The following MLLT1 variants were observed in gnomAD, a reference collection of about 807,000 sequenced individuals.
The protein encoded by MLLT1 is MLLT1 super elongation complex subunit, also known as protein ENL.
In MLLT1, 11 loss-of-function variants were observed where a neutral mutation model predicts 55.1. That is an observed-to-expected ratio of 0.20 (90% confidence interval 0.13 to 0.33). The LOEUF (loss-of-function observed/expected upper bound fraction) is 0.33, where lower values mean the gene tolerates loss of function less well. Among genes scored for constraint, MLLT1 ranks in the 10% least tolerant of loss-of-function variants. The pLI is 1.00. For synonymous variants in MLLT1, 323 were observed against 320.1 expected, an observed-to-expected ratio of 1.01 and a Z score of -0.10; for missense variants, 536 against 760.6, an observed-to-expected ratio of 0.70 and a Z score of 3.47.
At chr19:6,264,557 T>A (rs2091331070) in intron 2 of MLLT1, among the ~76,000 whole-genome samples, 1 of 151,324 alleles carries the variant, frequency 6.6e-6, no homozygotes, top group Admixed American at 6.6e-5. Context: ...AGAGTCAATG[T>A]CCTCAGATTC....
In MLLT1 at chr19:6,231,030, C is replaced by T. The variant is rs754089947; in HGVS notation, c.277-317G>A. Among the ~76,000 whole-genome samples, 12 of 152,224 alleles carry T rather than the reference C, an allele frequency of 7.9e-5. No homozygotes were observed. Among genetic ancestry groups the T allele is most frequent in the Non-Finnish European group, 1.5e-4 (10 of 68,048 alleles). On this transcript the variant is annotated intron_variant, in intron 3 of 11. Transcript: ENST00000252674. This position sits in a 1 kb window ranked among gnomAD's most constrained non-coding sequence, Gnocchi z 5.1. Reference sequence around the variant, plus strand: ...CGCCACTGACAGACAGGGAAACCGACGCACAGACACCAACTAACACGTGGC... The same window carrying T: ...CGCCACTGACAGACAGGGAAACCGATGCACAGACACCAACTAACACGTGGC...
At position 6,240,721 on chromosome 19, in the gene MLLT1, G is replaced by A. The variant is rs1013419523; in HGVS notation, c.277-10008C>T. Among the ~76,000 whole-genome samples the A allele has an allele frequency of 3.9e-5, 6 of 152,118 alleles. No homozygotes were observed. Among genetic ancestry groups the A allele is most frequent in the African/African-American group, 7.2e-5 (3 of 41,412 alleles). ...CCCCACACTCAGCTACGAACCTCCC[G>A]AGACAGCAGGAGAATTCAGGGGCAG... On this transcript the variant is annotated intron_variant, in intron 3 of 11. Transcript: ENST00000252674. The surrounding 1 kb of genome is among the most constrained non-coding windows in gnomAD (Gnocchi z 4.7).
chr19:6,278,401 G>C (rs1568300988), intron 1 of MLLT1, among the ~76,000 whole-genome samples: 2 of 150,082 alleles, frequency 1.3e-5, no homozygotes, highest in Non-Finnish European at 3.0e-5. Flanking sequence ...ACAGACCAAT[G>C]GGGAGGGGCC....
rs1246443216 is a variant in MLLT1, at chr19:6,262,391, C to CA, written c.194-82dup. 18 of 1,193,808 alleles carry CA rather than the reference C, an allele frequency of 1.5e-5. No homozygotes were observed. The highest frequency in any genetic ancestry group is 2.2e-5 in the Non-Finnish European group (18 of 818,762). The allele number at this position is 1,193,808 out of a possible 1,614,324, so 74.0% of individuals were successfully genotyped here. On this transcript the variant is annotated intron_variant, in intron 2 of 11. Transcript: ENST00000252674. The surrounding 1 kb of genome is among the most constrained non-coding windows in gnomAD (Gnocchi z 4.4). ...CTGCCAGCGGCAGTACCGCACCCCT[C>CA]AACCCCACCACCTCCTCACAGGGGC... is the stretch of plus-strand genomic sequence containing the variant.
chr19:6,266,581 C>A (rs751967402), intron 2 of MLLT1, among the ~76,000 whole-genome samples: 22 of 152,102 alleles, frequency 1.4e-4, no homozygotes, highest in Non-Finnish European at 2.9e-4. Flanking sequence ...CTCGGCCTCC[C>A]GAGTAGCTGG....
At chr19:6,261,480 C>T (rs2091305452) in intron 3 of MLLT1, among the ~76,000 whole-genome samples, 1 of 152,128 alleles carries the variant, frequency 6.6e-6, no homozygotes. Context: ...CTCCCAGGGA[C>T]ACCTCCTTCC....
intron 3 of MLLT1, among the ~76,000 whole-genome samples, chr19:6,244,377 A>AC (rs1011053730): frequency 2.0e-5 from 3 of 150,484 alleles, no homozygotes; most frequent in Admixed American, 1.3e-4. Flanking sequence ...AAAAAAAAAA[A>AC]CCCTCATTTG....
intron 6 of MLLT1, among the ~76,000 whole-genome samples, chr19:6,220,819 C>G (rs1194987214): frequency 3.9e-5 from 6 of 152,194 alleles, no homozygotes; most frequent in Non-Finnish European, 7.4e-5. Context: ...AGGCTCGGTG[C>G]CCAGCAGGCA....
rs1386007701 is a variant in MLLT1 at position 6,222,058 on chromosome 19, G to A, written c.1110+63C>T. 1 of 1,359,008 alleles carries A rather than the reference G, an allele frequency of 7.4e-7. No homozygotes were observed. Among genetic ancestry groups the A allele is most frequent in the Non-Finnish European group, 9.7e-7 (1 of 1,030,048 alleles). 84.2% of individuals were successfully genotyped at this position (1,359,008 alleles called of 1,614,324 possible). A position where few individuals can be genotyped will look rare whatever the true frequency, so the allele number is the denominator to read the frequency against. On this transcript the variant is annotated intron_variant, in intron 6 of 11. Coordinates refer to ENST00000252674, the MANE Select transcript of MLLT1 (RefSeq NM_005934.4). The surrounding 1 kb of genome is among the most constrained non-coding windows in gnomAD (Gnocchi z 4.1). Reference sequence around the variant, plus strand: ...GATCCCACCTCCTTCCGCTGTTCCAGAAGGGAGGCGGGTCCCACCACACTG... The same window carrying A: ...GATCCCACCTCCTTCCGCTGTTCCAAAAGGGAGGCGGGTCCCACCACACTG...
chr19:6,257,521 C>A (rs2091267578), intron 3 of MLLT1, among the ~76,000 whole-genome samples: 1 of 152,094 alleles, frequency 6.6e-6, no homozygotes, highest in African/African-American at 2.4e-5. Context: ...GGACAACGGG[C>A]TGGGCATGGT....
chr19:6,229,612 GAC>G lies in MLLT1; in HGVS notation c.420+956_420+957del, dbSNP rs1347449863. On this transcript the variant is annotated intron_variant, in intron 4 of 11. Coordinates refer to ENST00000252674, the MANE Select transcript of MLLT1 (RefSeq NM_005934.4). This position sits in a 1 kb window ranked among gnomAD's most constrained non-coding sequence, Gnocchi z 5.2. ...ACCACACACTTCCCGCAAGTGACAC[GAC>G]ACACACGCCATGCACACACCATACA... Among the ~76,000 whole-genome samples the G allele has an allele frequency of 6.0e-5, 9 of 151,236 alleles. No individual in the cohort carries two copies. The highest frequency in any genetic ancestry group is 1.5e-4 in the African/African-American group (6 of 41,060).
chr19:6,244,914 G>A (rs950612926), intron 3 of MLLT1, among the ~76,000 whole-genome samples: 35 of 152,224 alleles, frequency 2.3e-4, no homozygotes, highest in Admixed American at 1.8e-3. Context: ...TAGGACAGAC[G>A]GCTATAATCA....
intron 3 of MLLT1, among the ~76,000 whole-genome samples, chr19:6,242,514 G>C (rs989821351): frequency 1.3e-5 from 2 of 152,168 alleles, no homozygotes; most frequent in African/African-American, 4.8e-5. Flanking sequence ...TGGGGAGGAG[G>C]TCTAATATTA....
chr19:6,227,243 C>G lies in MLLT1; in HGVS notation c.421-141G>C, dbSNP rs1043183637. ...CGCTTTCCCGAAAGAATCCCAGGTG[C>G]TTCCCTGCTGGGGACTGGGTGCTGA... On this transcript the variant is annotated intron_variant, in intron 4 of 11. Coordinates refer to ENST00000252674, the MANE Select transcript of MLLT1 (RefSeq NM_005934.4). The surrounding 1 kb of genome is among the most constrained non-coding windows in gnomAD (Gnocchi z 5.1). 1.9e-5 allele frequency: 16 copies of G among 857,878 alleles called. No homozygotes were observed. The African/African-American group carries it at 2.8e-4, about 15-fold the overall frequency. 53.1% of individuals were successfully genotyped at this position (857,878 alleles called of 1,614,324 possible).
Position 6,270,075 on chromosome 19 carries a change from G to A in MLLT1, c.193+504C>T, listed in dbSNP as rs2091382747. On this transcript the variant is annotated intron_variant, in intron 2 of 11. Coordinates refer to ENST00000252674, the MANE Select transcript of MLLT1 (RefSeq NM_005934.4). The surrounding 1 kb of genome is among the most constrained non-coding windows in gnomAD (Gnocchi z 7.1). ...CCTCCAGGAAGGCCAGGGCCCCCACGCCACAGGTGGAGACGCTGACAGAAT... is the reference window on the plus strand; with the variant it reads ...CCTCCAGGAAGGCCAGGGCCCCCACACCACAGGTGGAGACGCTGACAGAAT... 6.6e-6 allele frequency among the ~76,000 whole-genome samples: 1 copy of A among 152,192 alleles called. No individual in the cohort carries two copies. Among genetic ancestry groups the A allele is most frequent in the African/African-American group, 2.4e-5 (1 of 41,454 alleles).
Position 6,213,749 on chromosome 19 carries a change from G to T in MLLT1, c.1456C>A (p.Leu486Ile). ...PESCSKPEKI[L>I]KKGTYDKAYT... ...ACCTTGTCGTAGGTGCCCTTCTTGA[G>T]GATCTTCTCAGGCTTGCTGCAGGAC... Residue 486 changes from leucine (L) to isoleucine (I), a missense_variant, in exon 10 of 12, where the codon CTC becomes ATC. Transcript: ENST00000252674. The T allele has an allele frequency of 6.2e-7, 1 of 1,612,158 alleles. No individual in the cohort carries two copies. The highest frequency in any genetic ancestry group is 2.2e-5 in the East Asian group (1 of 44,726).
intron 3 of MLLT1, among the ~76,000 whole-genome samples, chr19:6,251,944 G>C (rs1568290347): frequency 6.6e-6 from 1 of 152,156 alleles, no homozygotes; most frequent in East Asian, 1.9e-4. Context: ...GACAGAGCGA[G>C]ACTCCACCAC....
chr19:6,241,656 G>T (rs940032692), intron 3 of MLLT1, among the ~76,000 whole-genome samples: 1 of 152,222 alleles, frequency 6.6e-6, no homozygotes, highest in Middle Eastern at 3.2e-3. Flanking sequence ...TCCCTGCAGC[G>T]ATGGGCACCT....
At chr19:6,265,415 A>G (rs2091341418) in intron 2 of MLLT1, among the ~76,000 whole-genome samples, 1 of 152,232 alleles carries the variant, frequency 6.6e-6, no homozygotes, top group Admixed American at 6.5e-5. Context: ...TCCCGCCTGT[A>G]ATCCCAGTAC....
Sources: gnomAD v4.1 joint callset for allele counts (sites outside exome capture counted in the v4.1 genomes callset) on GRCh38, gnomAD v4.1.1 for gene constraint, Gnocchi (gnomAD v3.1) non-coding constraint, MANE v1.5 for transcripts, NCBI Gene and HGNC (gene_info 2026-07-23, HGNC 2026-07-21) for gene names.